The following MFSD8 variants were observed in gnomAD, a reference collection of about 807,000 sequenced individuals.
MFSD8 encodes major facilitator superfamily domain containing 8.
In MFSD8, 55 loss-of-function variants were observed where a neutral mutation model predicts 66.4. That is an observed-to-expected ratio of 0.83 (90% CI 0.67 to 1.04). The LOEUF is 1.04. Among genes scored for constraint, MFSD8 ranks in the 50% least tolerant of loss-of-function variants. The pLI, the probability that MFSD8 is intolerant of heterozygous loss-of-function variation, is 0.00. For synonymous variants in MFSD8, 202 were observed against 212.8 expected (o/e 0.95, Z 0.44); for missense variants, 550 against 627.6 (o/e 0.88, Z 1.32).
chr4:127,924,730 G>GA (rs1736909881), intron 9 of MFSD8, among the ~76,000 whole-genome samples: 1 of 151,982 alleles, frequency 6.6e-6, no homozygotes, highest in Non-Finnish European at 1.5e-5. Context: ...CACAGAATTA[G>GA]AAAAAAACTA....
intron 4 of MFSD8, among the ~76,000 whole-genome samples, chr4:127,943,165 C>G (rs1210188210): frequency 1.3e-5 from 2 of 151,538 alleles, no homozygotes; most frequent in East Asian, 3.9e-4. Flanking sequence ...ATGCAGTGAG[C>G]CAAGATTGCG....
At chr4:127,930,198 C>G (rs1737896931) in intron 9 of MFSD8, among the ~76,000 whole-genome samples, 2 of 152,040 alleles carry the variant, frequency 1.3e-5, no homozygotes, top group African/African-American at 4.8e-5. Flanking sequence ...CATGATTGCA[C>G]CACTGCATTC....
Position 127,933,035 on chromosome 4 carries a change from G to A in MFSD8, c.813C>T (p.Ala271=), listed in dbSNP as rs768499490. 15 of 1,613,700 alleles carry A rather than the reference G, an allele frequency of 9.3e-6. No homozygotes were observed. Among genetic ancestry groups the A allele is most frequent in the South Asian group, 4.4e-5 (4 of 91,068 alleles). ...GAGTCACAAAAAACAGAACATTGAT[G>A]GCCACAACAGCAACCTGGTCAATAT... ...QGNIDQVAVV[A]INVLFFVTLF... The change falls in exon 8 of 12, where the codon GCC becomes GCT. Residue 271 remains alanine (A), a synonymous_variant. Transcript: ENST00000641686.
rs895513839 is a variant in MFSD8 at position 127,963,150 on chromosome 4, C to T, written c.62+1922G>A. ...AAATACTGACGTTATTCCTTTAATG[C>T]CTTAAAATTAGTCTTTCTTTGTACA... On this transcript the variant is annotated intron_variant, in intron 1 of 11. Coordinates refer to ENST00000641686, the MANE Select transcript of MFSD8 (RefSeq NM_001371596.2). Among the ~76,000 whole-genome samples the T allele has an allele frequency of 3.3e-5, 5 of 152,144 alleles. 1 individual carries two copies. The highest frequency in any genetic ancestry group is 1.2e-4 in the African/African-American group (5 of 41,420).
At chr4:127,927,271 G>A (rs1277888686) in intron 9 of MFSD8, among the ~76,000 whole-genome samples, 1 of 152,034 alleles carries the variant, frequency 6.6e-6, no homozygotes, top group Non-Finnish European at 1.5e-5. Context: ...CACCTCCTGG[G>A]TTCAAGCGAT....
intron 1 of MFSD8, among the ~76,000 whole-genome samples, chr4:127,963,958 T>A (rs1171726213): frequency 6.6e-6 from 1 of 151,280 alleles, no homozygotes; most frequent in Non-Finnish European, 1.5e-5. Context: ...AGATACAGAG[T>A]GTTGACAGAA....
At chr4:127,937,169 T>C (rs991914422) in intron 7 of MFSD8, among the ~76,000 whole-genome samples, 4 of 152,220 alleles carry the variant, frequency 2.6e-5, no homozygotes, top group Non-Finnish European at 5.9e-5. Context: ...TGCCATAGTG[T>C]GTTTCACTGG....
chr4:127,958,497 G>A lies in MFSD8; in HGVS notation c.63-905C>T, dbSNP rs532027810. Among the ~76,000 whole-genome samples the A allele has an allele frequency of 5.3e-5, 8 of 152,076 alleles. No homozygotes were observed. The South Asian group carries it at 1.2e-3, about 24-fold the overall frequency. On this transcript the variant is annotated intron_variant, in intron 1 of 11. Transcript: ENST00000641686. Reference sequence around the variant, plus strand: ...ACGTGATATGGTTGGGAGTGGTAAAGAGGAAAGGAAGAAGAGAAACAATGT... The same window carrying A: ...ACGTGATATGGTTGGGAGTGGTAAAAAGGAAAGGAAGAAGAGAAACAATGT...
At chr4:127,930,841 A>G in intron 8 of MFSD8, 24 bp from the exon 9 acceptor site, 2 of 1,591,168 alleles carry the variant, frequency 1.3e-6, no homozygotes, top group Non-Finnish European at 1.7e-6. Context: ...AATTATTCTT[A>G]TTTTATTTAA....
At chr4:127,965,413 C>T (rs558114862), upstream of MFSD8, 130 of 568,028 alleles carry the variant, frequency 2.3e-4, 1 homozygote, top group South Asian at 2.5e-3. Context: ...TCCAAACTGC[C>T]GCGCCGCCCT....
In MFSD8 at chr4:127,920,782, G is replaced by A; in HGVS notation, c.1405C>T (p.Pro469Ser). The change falls in exon 12 of 12, where the codon CCT becomes TCT. Residue 469 changes from proline (P) to serine (S), a missense_variant. Transcript: ENST00000641686. ...ASGSGARILGPMFISQVYAHW... is the reference protein window; with the variant it reads ...ASGSGARILGSMFISQVYAHW... ...GCATACACTTGGCTGATGAACATAG[G>A]CCCAAGAATCCGGGCTCCACTTCCA... The A allele has an allele frequency of 1.2e-6, 2 of 1,614,040 alleles. No homozygotes were observed. Among genetic ancestry groups the A allele is most frequent in the South Asian group, 2.2e-5 (2 of 91,066 alleles).
At chr4:127,926,248 C>T (rs1024484798) in intron 9 of MFSD8, among the ~76,000 whole-genome samples, 14 of 34,812 alleles carry the variant, frequency 4.0e-4, no homozygotes, top group African/African-American at 9.1e-4. Flanking sequence ...TGGTGGCTCA[C>T]GCCTGTAATC....
intron 1 of MFSD8, among the ~76,000 whole-genome samples, chr4:127,961,791 A>C (rs1369058489): frequency 7.1e-6 from 1 of 141,126 alleles, no homozygotes; most frequent in Admixed American, 7.8e-5. Flanking sequence ...ACTGCACTCC[A>C]GCCTGGGTGA....
In MFSD8 at chr4:127,918,613, T is replaced by G. The variant is rs1314721598; in HGVS notation, c.*2017A>C. ...AGTTAAATTACCCTACAATTAGTGA[T>G]TAATTGAAACTGCAACTTTCTGGGA... is the stretch of plus-strand genomic sequence containing the variant. On this transcript the variant is annotated 3_prime_UTR_variant, in exon 12 of 12. Coordinates refer to ENST00000641686, the MANE Select transcript of MFSD8 (RefSeq NM_001371596.2). 12 of 152,190 alleles carry G rather than the reference T, an allele frequency of 7.9e-5. No homozygotes were observed. Among genetic ancestry groups the G allele is most frequent in the Admixed American group, 7.9e-4 (12 of 15,272 alleles). 9.4% of individuals were successfully genotyped at this position (152,190 alleles called of 1,614,324 possible). A position where few individuals can be genotyped will look rare whatever the true frequency, so the allele number is the denominator to read the frequency against.
intron 2 of MFSD8, among the ~76,000 whole-genome samples, chr4:127,954,378 G>A (rs897539334): frequency 2.0e-5 from 3 of 152,156 alleles, no homozygotes; most frequent in African/African-American, 7.2e-5. Context: ...CACTTTGGGA[G>A]GCCAAGGCAG....
chr4:127,954,427 C>A (rs1042670299), intron 2 of MFSD8, among the ~76,000 whole-genome samples: 13 of 152,136 alleles, frequency 8.5e-5, no homozygotes, highest in Admixed American at 2.6e-4. Flanking sequence ...ATCAGCCTGG[C>A]AAAAATGGCA....
intron 9 of MFSD8, among the ~76,000 whole-genome samples, chr4:127,926,747 AT>A (rs1737270203): frequency 6.6e-6 from 1 of 152,178 alleles, no homozygotes; most frequent in Non-Finnish European, 1.5e-5. Flanking sequence ...CTGACTTAAC[AT>A]TTGTTGATTA....
rs60807717 is a variant in MFSD8 at position 127,918,412 on chromosome 4, G to C, written c.*2218C>G. 2.0e-5 allele frequency: 3 copies of C among 152,076 alleles called. No individual in the cohort carries two copies. The highest frequency in any genetic ancestry group is 4.8e-5 in the African/African-American group (2 of 41,416). 9.4% of individuals were successfully genotyped at this position (152,076 alleles called of 1,614,324 possible). ...GCTCTCAATAAAAAGGAAAGTAAGAGTCATTTGTGTAAGGTTAAGTTTATC... is the reference window on the plus strand; with the variant it reads ...GCTCTCAATAAAAAGGAAAGTAAGACTCATTTGTGTAAGGTTAAGTTTATC... On this transcript the variant is annotated 3_prime_UTR_variant, in exon 12 of 12. Transcript: ENST00000641686.
chr4:127,946,136 G>C (rs1336786648), intron 3 of MFSD8, among the ~76,000 whole-genome samples: 2 of 151,842 alleles, frequency 1.3e-5, no homozygotes, highest in East Asian at 3.9e-4. Context: ...CGTTACCCAG[G>C]CTGGTCTTGA....
Sources: gnomAD v4.1 joint callset for allele counts (sites outside exome capture counted in the v4.1 genomes callset) on GRCh38, gnomAD v4.1.1 for gene constraint, MANE v1.5 for transcripts, NCBI Gene and HGNC (gene_info 2026-07-23, HGNC 2026-07-21) for gene names.